Variants in THAP6 observed in about 807,000 individuals in gnomAD.
THAP6 encodes THAP domain-containing protein 6.
THAP6 carries 13 observed loss-of-function variants against 20.0 expected under a neutral mutation model. The ratio of observed to expected loss-of-function variants is 0.65; its 90% CI spans 0.42 to 1.03. The LOEUF (loss-of-function observed/expected upper bound fraction) is 1.03, where lower values mean the gene tolerates loss of function less well. Ranked by LOEUF, THAP6 falls within the 50% of genes least tolerant of loss-of-function variation. The probability of loss-of-function intolerance (pLI) is 0.00; values close to 1 mark genes in which losing one functional copy is unlikely to be tolerated. For missense variants in THAP6, 262 were observed against 261.6 expected (o/e 1.00, Z -0.01); for synonymous variants, 93 against 92.2 (o/e 1.01, Z -0.05).
intron 4 of THAP6, 97 bp downstream of exon 4, chr4:75,521,958 G>C: frequency 7.0e-7 from 1 of 1,426,674 alleles, no homozygotes; most frequent in South Asian, 1.2e-5. Flanking sequence ...CAAAATCTAG[G>C]GGTTAATATG....
chr4:75,517,861 G>A (rs1350616213), intron 3 of THAP6: 3 of 152,176 alleles, frequency 2.0e-5, no homozygotes, highest in African/African-American at 7.2e-5. Context: ...TCTTGACTTT[G>A]TATACCTGAA....
Position 75,529,544 on chromosome 4 carries a change from T to C in THAP6, c.*2330T>C. 1 of 985,426 alleles carries C rather than the reference T, an allele frequency of 1.0e-6. No homozygotes were observed. Among genetic ancestry groups the C allele is most frequent in the Non-Finnish European group, 1.2e-6 (1 of 829,946 alleles). 61.0% of individuals were successfully genotyped at this position (985,426 alleles called of 1,614,324 possible). A position where few individuals can be genotyped will look rare whatever the true frequency, so the allele number is the denominator to read the frequency against. On this transcript the variant is annotated 3_prime_UTR_variant, in exon 5 of 5. Transcript: ENST00000311638. ...ACTGATAGAAATGTGAGATTAAAAA[T>C]AGGGTCCTCCCTGCTGCTCCAAACA...
At chr4:75,536,380 C>T (rs1369012447) in intron 2 of THAP6, among the ~76,000 whole-genome samples, 3 of 152,136 alleles carry the variant, frequency 2.0e-5, no homozygotes, top group Non-Finnish European at 4.4e-5. Flanking sequence ...AGGAAAATTG[C>T]TTGAACCTGG....
chr4:75,529,739 G>C lies in THAP6; in HGVS notation c.*2525G>C, dbSNP rs1726604636. 1.0e-6 allele frequency: 1 copy of C among 985,254 alleles called. No homozygotes were observed. Among genetic ancestry groups the C allele is most frequent in the East Asian group, 1.1e-4 (1 of 8,814 alleles). 61.0% of individuals were successfully genotyped at this position (985,254 alleles called of 1,614,324 possible). A position where few individuals can be genotyped will look rare whatever the true frequency, so the allele number is the denominator to read the frequency against. ...CACTTTGCTTTAAAAGCTAGGAGTGGCCTCTAGAGCCAGGAACACATTAAT... is the reference window on the plus strand; with the variant it reads ...CACTTTGCTTTAAAAGCTAGGAGTGCCCTCTAGAGCCAGGAACACATTAAT... On this transcript the variant is annotated 3_prime_UTR_variant, in exon 5 of 5. Coordinates refer to ENST00000311638, the MANE Select transcript of THAP6 (RefSeq NM_144721.6).
At chr4:75,519,917 A>G (rs956651571) in intron 3 of THAP6, among the ~76,000 whole-genome samples, 5 of 151,866 alleles carry the variant, frequency 3.3e-5, no homozygotes, top group African/African-American at 7.3e-5. Flanking sequence ...GACTTCCACA[A>G]TGGTTGAACT....
In THAP6 at chr4:75,521,997, G is replaced by C. The variant is rs895095445; in HGVS notation, c.414+136G>C. 2.1e-5 allele frequency: 22 copies of C among 1,068,368 alleles called. No homozygotes were observed. The African/African-American group carries it at 3.3e-4, about 16-fold the overall frequency. The allele number at this position is 1,068,368 out of a possible 1,614,324, so 66.2% of individuals were successfully genotyped here. ...TATCTACAAATAATATTGCTTCCTA[G>C]AGTCATTGTAATTTATATATATGCA... On this transcript the variant is annotated intron_variant, in intron 4 of 4. Transcript: ENST00000311638.
At chr4:75,536,229 C>A (rs1726847847) in intron 2 of THAP6, among the ~76,000 whole-genome samples, 2 of 152,188 alleles carry the variant, frequency 1.3e-5, no homozygotes, top group South Asian at 4.1e-4. Context: ...CTTTGGGAGG[C>A]CAAGGCAGGC....
At chr4:75,545,742 C>T (rs1177651991) in intron 3 of THAP6, among the ~76,000 whole-genome samples, 2 of 152,194 alleles carry the variant, frequency 1.3e-5, no homozygotes, top group Non-Finnish European at 2.9e-5. Flanking sequence ...TCCCAGGCAG[C>T]GTCCGCAGTT....
chr4:75,514,136 C>T, upstream of THAP6: 1 of 1,571,332 alleles, frequency 6.4e-7, no homozygotes, highest in Non-Finnish European at 8.7e-7. Context: ...ACCACCTGCC[C>T]AGCCCGCCCC....
intron 3 of THAP6, among the ~76,000 whole-genome samples, chr4:75,520,968 A>G (rs1306763356): frequency 2.0e-5 from 3 of 152,066 alleles, no homozygotes; most frequent in Middle Eastern, 3.2e-3. Flanking sequence ...GTCCTCTTCT[A>G]TTATCTTTTT....
In THAP6 at chr4:75,529,873, A is replaced by G. The variant is rs1478763789; in HGVS notation, c.*2659A>G. ...AAATAGACTTTGGTTGCTAATGACA[A>G]TTACAGTTATACCATAGTCTGTAAT... On this transcript the variant is annotated 3_prime_UTR_variant, in exon 5 of 5. Transcript: ENST00000311638. 1 of 981,456 alleles carries G rather than the reference A, an allele frequency of 1.0e-6. No individual in the cohort carries two copies. The highest frequency in any genetic ancestry group is 1.1e-4 in the East Asian group (1 of 8,802). The allele number at this position is 981,456 out of a possible 1,614,324, so 60.8% of individuals were successfully genotyped here. A position where few individuals can be genotyped will look rare whatever the true frequency, so the allele number is the denominator to read the frequency against.
rs1726043178 is a variant in THAP6 at position 75,521,727 on chromosome 4, T to A, written c.289-9T>A. 6.2e-7 allele frequency: 1 copy of A among 1,606,178 alleles called. No individual in the cohort carries two copies. The highest frequency in any genetic ancestry group is 1.3e-5 in the African/African-American group (1 of 74,630). On this transcript the variant is annotated splice_polypyrimidine_tract_variant and intron_variant, in intron 3 of 4. Coordinates refer to ENST00000311638, the MANE Select transcript of THAP6 (RefSeq NM_144721.6). ...TCACTTGATGATTATTATTAACTAC[T>A]CTTAACAGGGGAAAAGAGAAAAACT... is the stretch of plus-strand genomic sequence containing the variant.
At chr4:75,542,600 C>G in intron 3 of THAP6, 1 of 589,444 alleles carries the variant, frequency 1.7e-6, no homozygotes, top group Non-Finnish European at 3.0e-6. Flanking sequence ...GGAAATTAAA[C>G]AGAGAAAAGC....
At chr4:75,532,724 G>GC (rs1403491939), downstream of THAP6, among the ~76,000 whole-genome samples, 1 of 152,176 alleles carries the variant, frequency 6.6e-6, no homozygotes, top group Non-Finnish European at 1.5e-5. Flanking sequence ...GCACTCAAAG[G>GC]CTCAACATCA....
intron 3 of THAP6, among the ~76,000 whole-genome samples, chr4:75,520,173 GTTGT>G (rs1343529803): frequency 2.0e-5 from 3 of 152,136 alleles, no homozygotes; most frequent in African/African-American, 7.2e-5. Flanking sequence ...TTTTGATGGG[GTTGT>G]TTGTTTTTTT....
At chr4:75,535,439 TC>T (rs562299022) in intron 2 of THAP6, among the ~76,000 whole-genome samples, 158 of 152,316 alleles carry the variant, frequency 1.0e-3, no homozygotes, top group Non-Finnish European at 1.4e-3. Context: ...GAGGAATAAG[TC>T]CTTTGTTCCT....
intron 3 of THAP6, among the ~76,000 whole-genome samples, chr4:75,518,214 C>T (rs997286183): frequency 1.3e-5 from 2 of 151,968 alleles, no homozygotes; most frequent in African/African-American, 4.8e-5. Context: ...ATCAAATAAA[C>T]CATAAGTTAC....
At chr4:75,545,015 C>T (rs1727094659) in intron 3 of THAP6, among the ~76,000 whole-genome samples, 1 of 152,236 alleles carries the variant, frequency 6.6e-6, no homozygotes, top group South Asian at 2.1e-4. Context: ...ACAGGACAAC[C>T]TCTCTGTGCC....
At position 75,527,108 on chromosome 4, in the gene THAP6, G is replaced by C; in HGVS notation, c.563G>C (p.Arg188Thr). ...CAGAAATCATTGAGGAAGACAATCA[G>C]GGAATTAAAGGATGAATGTCTGATC... ...RFQKSLRKTI[R>T]ELKDECLISQ... Residue 188 changes from arginine to threonine, a missense_variant, in exon 5 of 5, where the codon AGG becomes ACG. Transcript: ENST00000311638. 1 of 1,614,070 alleles carries C rather than the reference G, an allele frequency of 6.2e-7. No individual in the cohort carries two copies. The highest frequency in any genetic ancestry group is 8.5e-7 in the Non-Finnish European group (1 of 1,179,976).
Sources: allele counts gnomAD v4.1 joint callset (sites outside exome capture counted in the v4.1 genomes callset), GRCh38; gene constraint gnomAD v4.1.1; transcripts MANE v1.5; gene names NCBI Gene and HGNC (gene_info 2026-07-23, HGNC 2026-07-21).